The following CAMK4 variants were observed in gnomAD, a reference collection of about 807,000 sequenced individuals.
The protein encoded by CAMK4 is calcium/calmodulin dependent protein kinase IV.
CAMK4 carries 22 observed loss-of-function variants against 44.9 expected under a neutral mutation model. The observed-to-expected ratio is 0.49, with a 90% CI of 0.35 to 0.70. The LOEUF (loss-of-function observed/expected upper bound fraction) is 0.70, where lower values mean the gene tolerates loss of function less well. CAMK4 is among the 30% of genes least tolerant of loss of function. The pLI is 0.01. For synonymous variants in CAMK4, 218 were observed against 215.4 expected (o/e 1.01, Z -0.11); for missense variants, 498 against 586.8 (o/e 0.85, Z 1.56).
At chr5:111,451,373 T>G (rs1347171342) in intron 7 of CAMK4, among the ~76,000 whole-genome samples, 2 of 152,128 alleles carry the variant, frequency 1.3e-5, no homozygotes, top group African/African-American at 2.4e-5. Context: ...TCTCGGCTTA[T>G]AGTAACCTTT....
Position 111,484,203 on chromosome 5 carries a change from G to A in CAMK4, c.1159G>A (p.Val387Ile). 1 of 1,614,182 alleles carries A rather than the reference G, an allele frequency of 6.2e-7. No homozygotes were observed. The highest frequency in any genetic ancestry group is 1.1e-5 in the South Asian group (1 of 91,068). The part of the protein sequence containing the change: ...KIQGDGAQAA[V>I]KGAQAELMKV... ...TCAAGGCGATGGGGCCCAAGCCGCAGTTAAGGGGGCACAGGCTGAGCTGAT... is the reference window on the plus strand; with the variant it reads ...TCAAGGCGATGGGGCCCAAGCCGCAATTAAGGGGGCACAGGCTGAGCTGAT... Residue 387 changes from valine (V) to isoleucine (I), a missense_variant, in exon 11 of 11, where the codon GTT becomes ATT. Physicochemically the swap from Val to Ile is conservative, Grantham distance 29. This residue lies in a region of CAMK4 where 143 missense variants were observed against 144.9 expected (regional missense o/e 0.99). Transcript: ENST00000282356. The surrounding 1 kb of genome is among the most constrained non-coding windows in gnomAD (Gnocchi z 5.3).
At chr5:111,230,255 G>A (rs943415181) in intron 1 of CAMK4, among the ~76,000 whole-genome samples, 3 of 152,116 alleles carry the variant, frequency 2.0e-5, no homozygotes, top group African/African-American at 7.2e-5. Flanking sequence ...TAAAAATAAT[G>A]TCACTTTTCT....
intron 1 of CAMK4, among the ~76,000 whole-genome samples, chr5:111,338,453 GAAATTCTTT>G (rs1470522222): frequency 2.0e-5 from 3 of 151,298 alleles, no homozygotes; most frequent in Non-Finnish European, 4.4e-5. Flanking sequence ...TTGCTGTGCA[GAAATTCTTT>G]AGTTTAATTA....
In CAMK4 at chr5:111,338,627, T is replaced by C. The variant is rs1028156675; in HGVS notation, c.162-5397T>C. Among the ~76,000 whole-genome samples the C allele has an allele frequency of 4.3e-4, 65 of 151,394 alleles. 1 individual carries two copies. Among genetic ancestry groups the C allele is most frequent in the Admixed American group, 3.4e-3 (52 of 15,144 alleles). On this transcript the variant is annotated intron_variant, in intron 1 of 10. Coordinates refer to ENST00000282356, the MANE Select transcript of CAMK4 (RefSeq NM_001744.6). ...TTACATCTAAATCTTTAATGCATTT[T>C]GAGTTAACTTTTGTATATGGTGAAA...
At position 111,352,637 on chromosome 5, in the gene CAMK4, C is replaced by CAGAGAGAGAG. The variant is rs70973603; in HGVS notation, c.240+8552_240+8561dup. Among the ~76,000 whole-genome samples, 964 of 109,128 alleles carry CAGAGAGAGAG rather than the reference C, an allele frequency of 8.8e-3. 7 individuals carry two copies. Among genetic ancestry groups the CAGAGAGAGAG allele is most frequent in the East Asian group, 0.014 (48 of 3,498 alleles). 71.6% of individuals were successfully genotyped at this position (109,128 alleles called of 152,430 possible). ...CCTGTGTCAACTCATGGCAGAATAG[C>CAGAGAGAGAG]AGAGAGAGAGAGAGAGAGAGAGAGA... On this transcript the variant is annotated intron_variant, in intron 2 of 10. Transcript: ENST00000282356.
intron 1 of CAMK4, among the ~76,000 whole-genome samples, chr5:111,293,531 A>G (rs1294812870): frequency 6.7e-6 from 1 of 150,174 alleles, no homozygotes; most frequent in African/African-American, 2.5e-5. Flanking sequence ...GGTTCAAATG[A>G]TTCCCCTGCC....
In CAMK4 at chr5:111,449,167, C is replaced by T. The variant is rs1754141095; in HGVS notation, c.589C>T (p.Leu197Phe). Residue 197 changes from leucine to phenylalanine, a missense_variant, in exon 7 of 11, where the codon CTC (leucine) becomes TTC (phenylalanine). Physicochemically the swap from Leu to Phe is conservative, Grantham distance 22 (BLOSUM62 0). Coordinates refer to ENST00000282356, the MANE Select transcript of CAMK4 (RefSeq NM_001744.6). Reference sequence around the variant, plus strand: ...CTCTAAAATTGTGGAACATCAAGTGCTCATGAAGACAGTATGTGGAACCCC... The same window carrying T: ...CTCTAAAATTGTGGAACATCAAGTGTTCATGAAGACAGTATGTGGAACCCC... The part of the protein sequence containing the change: ...GLSKIVEHQV[L>F]MKTVCGTPGY... 1 of 1,581,702 alleles carries T rather than the reference C, an allele frequency of 6.3e-7. No individual in the cohort carries two copies. The highest frequency in any genetic ancestry group is 8.7e-7 in the Non-Finnish European group (1 of 1,152,950).
At chr5:111,480,221 C>G (rs1755384889) in intron 9 of CAMK4, among the ~76,000 whole-genome samples, 2 of 146,082 alleles carry the variant, frequency 1.4e-5, no homozygotes, top group Non-Finnish European at 3.0e-5. Flanking sequence ...TCCTCCCCAC[C>G]TTCTTCTCCA....
intron 1 of CAMK4, among the ~76,000 whole-genome samples, chr5:111,262,794 T>G (rs1750046899): frequency 6.6e-6 from 1 of 152,262 alleles, no homozygotes; most frequent in Non-Finnish European, 1.5e-5. Flanking sequence ...TCCCAGGTTC[T>G]GTCCTTTTGA....
intron 1 of CAMK4, among the ~76,000 whole-genome samples, chr5:111,263,091 G>A (rs776972471): frequency 2.6e-5 from 4 of 152,166 alleles, no homozygotes; most frequent in African/African-American, 4.8e-5. Context: ...GTAAGACAGC[G>A]AAAAGAGATC....
At chr5:111,401,025 T>C (rs573836627) in intron 5 of CAMK4, among the ~76,000 whole-genome samples, 1 of 152,338 alleles carries the variant, frequency 6.6e-6, no homozygotes, top group African/African-American at 2.4e-5. Context: ...ACAGCCTTTC[T>C]TCCCTTTTTC....
intron 5 of CAMK4, among the ~76,000 whole-genome samples, chr5:111,395,463 T>A (rs944230951): frequency 6.6e-6 from 1 of 151,290 alleles, no homozygotes; most frequent in Non-Finnish European, 1.5e-5. Context: ...TTTTTTTTTT[T>A]AATTTGGTAG....
At chr5:111,399,559 C>G (rs1752146266) in intron 5 of CAMK4, among the ~76,000 whole-genome samples, 1 of 152,142 alleles carries the variant, frequency 6.6e-6, no homozygotes, top group Non-Finnish European at 1.5e-5. Context: ...AAAGTAGGAG[C>G]TCAATAAACA....
intron 4 of CAMK4, among the ~76,000 whole-genome samples, chr5:111,394,016 G>C (rs1182219257): frequency 2.3e-4 from 35 of 151,192 alleles, no homozygotes; most frequent in Non-Finnish European, 4.4e-5. Flanking sequence ...AGAGAAAGAG[G>C]GTTGGCGGGG....
intron 2 of CAMK4, among the ~76,000 whole-genome samples, chr5:111,373,161 C>T (rs1751075476): frequency 6.6e-6 from 1 of 152,028 alleles, no homozygotes; most frequent in South Asian, 2.1e-4. Context: ...TTAAAACATC[C>T]CATGCCTCTT....
intron 1 of CAMK4, among the ~76,000 whole-genome samples, chr5:111,285,801 A>G (rs993837066): frequency 6.6e-6 from 1 of 152,192 alleles, no homozygotes; most frequent in Non-Finnish European, 1.5e-5. Context: ...TCTCTACTCT[A>G]TCATTGGGTA....
chr5:111,315,564 C>T (rs772160625), intron 1 of CAMK4, among the ~76,000 whole-genome samples: 25 of 152,090 alleles, frequency 1.6e-4, no homozygotes, highest in Non-Finnish European at 2.6e-4. Context: ...TTAATCATCA[C>T]GACAATCTTA....
chr5:111,458,548 T>A (rs1754502133), intron 7 of CAMK4, among the ~76,000 whole-genome samples: 1 of 149,956 alleles, frequency 6.7e-6, no homozygotes, highest in African/African-American at 2.4e-5. Context: ...AAAAGAACTC[T>A]TCCTTAAGTA....
intron 1 of CAMK4, among the ~76,000 whole-genome samples, chr5:111,279,999 A>C (rs1327218644): frequency 6.6e-6 from 1 of 152,226 alleles, no homozygotes; most frequent in African/African-American, 2.4e-5. Flanking sequence ...GCCGGTATTC[A>C]CAGCAGTATT....
Sources: gnomAD v4.1 joint callset for allele counts (sites outside exome capture counted in the v4.1 genomes callset) on GRCh38, gnomAD v4.1.1 for gene constraint, gnomAD v4.1.1 regional missense constraint, Gnocchi (gnomAD v3.1) non-coding constraint, MANE v1.5 for transcripts, NCBI Gene and HGNC (gene_info 2026-07-23, HGNC 2026-07-21) for gene names.